ADORA2B: variants seen among roughly 807,000 people sequenced by gnomAD.
ADORA2B encodes adenosine receptor A2b.
In ADORA2B, 18 loss-of-function variants were observed where a neutral mutation model predicts 20.8. That is an observed-to-expected ratio of 0.87 (90% confidence interval 0.60 to 1.29). The LOEUF (loss-of-function observed/expected upper bound fraction) is 1.29. Among genes scored for constraint, ADORA2B ranks in the 50% most tolerant of loss-of-function variants. The pLI, the probability that ADORA2B is intolerant of heterozygous loss-of-function variation, is 0.00. For missense variants in ADORA2B, 441 were observed against 422.7 expected (o/e 1.04, Z -0.38); for synonymous variants, 179 against 178.3 (o/e 1.00, Z -0.03).
At chr17:15,874,042 GTATA>G in the ADORA2B span, among the ~76,000 whole-genome samples, 49 of 134,802 alleles carry the variant, frequency 3.6e-4, no homozygotes, top group Middle Eastern at 7.5e-3. Context: ...ATATATATGT[GTATA>G]TATATATATA....
chr17:15,908,858 A>G, the ADORA2B span, among the ~76,000 whole-genome samples: 1 of 152,170 alleles, frequency 6.6e-6, no homozygotes, highest in East Asian at 1.9e-4. Flanking sequence ...TCCGTGGGAC[A>G]CTTCTAAAGA....
chr17:15,867,198 G>T, the ADORA2B span, among the ~76,000 whole-genome samples: 7 of 151,918 alleles, frequency 4.6e-5, no homozygotes, highest in Non-Finnish European at 1.5e-5. Context: ...GCCTCTGCCC[G>T]GCCGCCACCC....
At chr17:15,959,663 G>A (rs1036558298) in intron 1 of ADORA2B, among the ~76,000 whole-genome samples, 1 of 152,108 alleles carries the variant, frequency 6.6e-6, no homozygotes, top group African/African-American at 2.4e-5. Context: ...ACCATGCCTG[G>A]CTAATTTTTG....
At chr17:15,946,725 G>A (rs1969811423) in intron 1 of ADORA2B, among the ~76,000 whole-genome samples, 1 of 152,220 alleles carries the variant, frequency 6.6e-6, no homozygotes, top group South Asian at 2.1e-4. Flanking sequence ...GGAGGTTGGA[G>A]TCTTGCCCAG....
the ADORA2B span, among the ~76,000 whole-genome samples, chr17:15,896,263 C>G: frequency 1.6e-4 from 25 of 152,210 alleles, no homozygotes; most frequent in African/African-American, 6.0e-4. Context: ...AAAGGATTAT[C>G]TACCAGAACT....
chr17:15,861,997 T>C, the ADORA2B span, among the ~76,000 whole-genome samples: 1 of 152,096 alleles, frequency 6.6e-6, no homozygotes, highest in Middle Eastern at 3.2e-3. Flanking sequence ...GAACCTGTTT[T>C]AGTCCGTGCC....
intron 1 of ADORA2B, among the ~76,000 whole-genome samples, chr17:15,963,624 G>A (rs900036203): frequency 2.6e-5 from 4 of 152,150 alleles, no homozygotes; most frequent in Admixed American, 2.6e-4. Context: ...GCTTTGGGCT[G>A]TCTCTGTGTC....
Position 15,974,954 on chromosome 17 carries a change from A to G in ADORA2B, c.611A>G (p.Lys204Arg). Residue 204 changes from lysine (K) to arginine (R), a missense_variant, in exon 2 of 2, where the codon AAG becomes AGG. Transcript: ENST00000304222. The part of the protein sequence containing the change: ...PLLIMLVIYI[K>R]IFLVACRQLQ... Reference sequence around the variant, plus strand: ...CTTATAATGCTGGTGATCTACATTAAGATCTTCCTGGTGGCCTGCAGGCAG... The same window carrying G: ...CTTATAATGCTGGTGATCTACATTAGGATCTTCCTGGTGGCCTGCAGGCAG... 1 of 1,614,140 alleles carries G rather than the reference A, an allele frequency of 6.2e-7. No homozygotes were observed. Among genetic ancestry groups the G allele is most frequent in the Non-Finnish European group, 8.5e-7 (1 of 1,180,024 alleles).
chr17:15,874,117 T>TACACAC, the ADORA2B span, among the ~76,000 whole-genome samples: 7 of 147,130 alleles, frequency 4.8e-5, no homozygotes, highest in Admixed American at 2.0e-4. Context: ...CATATATACA[T>TACACAC]ACACACACAC....
At chr17:15,931,578 G>A in the ADORA2B span, among the ~76,000 whole-genome samples, 1 of 152,176 alleles carries the variant, frequency 6.6e-6, no homozygotes, top group South Asian at 2.1e-4. Flanking sequence ...GCTATGTGTG[G>A]TGGCTCTGGG....
the ADORA2B span, among the ~76,000 whole-genome samples, chr17:15,880,523 C>A: frequency 9.1e-5 from 13 of 142,194 alleles, no homozygotes; most frequent in Non-Finnish European, 1.8e-4. Context: ...CAGGGGAGCA[C>A]TCAAAAGTCA....
chr17:15,886,242 A>AGTATTTATTTATTTATTTATTTTTT, the ADORA2B span, among the ~76,000 whole-genome samples: 2 of 132,834 alleles, frequency 1.5e-5, no homozygotes, highest in African/African-American at 6.3e-5. Context: ...GGAATCTTGT[A>AGTATTTATTTATTTATTTATTTTTT]GTGGCTCGCC....
chr17:15,967,247 G>C (rs1484168293), intron 1 of ADORA2B, among the ~76,000 whole-genome samples: 1 of 145,416 alleles, frequency 6.9e-6, no homozygotes, highest in Admixed American at 6.8e-5. Flanking sequence ...TTTTTTTTTC[G>C]AGATGGAGTC....
the ADORA2B span, among the ~76,000 whole-genome samples, chr17:15,915,984 C>T: frequency 1.3e-5 from 2 of 152,196 alleles, no homozygotes; most frequent in South Asian, 2.1e-4. Context: ...GATTGGCCTG[C>T]GATAGGTCTC....
intron 1 of ADORA2B, among the ~76,000 whole-genome samples, chr17:15,952,555 A>G (rs1969918938): frequency 6.6e-6 from 1 of 152,104 alleles, no homozygotes; most frequent in African/African-American, 2.4e-5. Flanking sequence ...TCACCCCCAA[A>G]CACCCCCTTG....
At chr17:15,957,586 T>C (rs1969984041) in intron 1 of ADORA2B, among the ~76,000 whole-genome samples, 1 of 151,720 alleles carries the variant, frequency 6.6e-6, no homozygotes. Context: ...AGATGGGGGC[T>C]TTGGGAAGGT....
chr17:15,896,114 A>G, the ADORA2B span, among the ~76,000 whole-genome samples: 3 of 152,340 alleles, frequency 2.0e-5, no homozygotes, highest in South Asian at 4.1e-4. Flanking sequence ...GATTTATAAT[A>G]TCTATGCTGC....
At chr17:15,878,863 T>C in the ADORA2B span, among the ~76,000 whole-genome samples, 3 of 152,184 alleles carry the variant, frequency 2.0e-5, no homozygotes, top group East Asian at 3.8e-4. Context: ...TTTAAACTTA[T>C]TTATGTAATT....
At chr17:15,854,362 A>G in the ADORA2B span, among the ~76,000 whole-genome samples, 1 of 152,256 alleles carries the variant, frequency 6.6e-6, no homozygotes, top group Non-Finnish European at 1.5e-5. Context: ...TAACAAAGGT[A>G]TATAAAAAGT....
Sources: gnomAD v4.1 joint callset for allele counts (sites outside exome capture counted in the v4.1 genomes callset) on GRCh38, gnomAD v4.1.1 for gene constraint, MANE v1.5 for transcripts, NCBI Gene and HGNC (gene_info 2026-07-23, HGNC 2026-07-21) for gene names.